Variants in CFAP47 observed in about 807,000 individuals in gnomAD.
CFAP47 encodes cilia- and flagella-associated protein 47.
CFAP47 carries 29 observed loss-of-function variants against 148.1 expected under a neutral mutation model. The ratio of observed to expected loss-of-function variants is 0.20; its 90% CI spans 0.15 to 0.27. CFAP47 has a LOEUF of 0.27. CFAP47 is among the 10% of genes least tolerant of loss of function. The pLI, the probability that CFAP47 is intolerant of heterozygous loss-of-function variation, is 1.00. For synonymous variants in CFAP47, 664 were observed against 577.3 expected (o/e 1.15, Z -2.15); for missense variants, 1,872 against 1,697.5 (o/e 1.10, Z -1.81).
At chrX:36,021,356 T>C (rs1937156120) in intron 22 of CFAP47, among the ~76,000 whole-genome samples, 1 of 110,567 alleles carries the variant, frequency 9.0e-6, no homozygotes, top group African/African-American at 3.3e-5. Flanking sequence ...CAGGCTGGAG[T>C]GCAGTGGCAT....
chrX:36,163,510 T>C (rs1386496226), intron 39 of CFAP47, among the ~76,000 whole-genome samples: 2 of 111,537 alleles, frequency 1.8e-5, no homozygotes, highest in Non-Finnish European at 3.8e-5. Flanking sequence ...GAGATTTTTT[T>C]TCATATAGGC....
At chrX:36,158,324 A>G (rs1366080853) in intron 37 of CFAP47, among the ~76,000 whole-genome samples, 1 of 112,566 alleles carries the variant, frequency 8.9e-6, no homozygotes, top group Non-Finnish European at 1.9e-5. Flanking sequence ...CCCAAGTTTT[A>G]TCACCTACAG....
At chrX:36,251,303 T>C (rs1940688588) in intron 48 of CFAP47, 30 bp from the exon 49 acceptor site, 1 of 471,397 alleles carries the variant, frequency 2.1e-6, no homozygotes, top group African/African-American at 2.4e-5. Flanking sequence ...TGATACTACA[T>C]AATTCTTGTT....
intron 23 of CFAP47, among the ~76,000 whole-genome samples, chrX:36,033,591 A>C (rs1006240867): frequency 1.8e-5 from 2 of 111,494 alleles, no homozygotes; most frequent in African/African-American, 6.5e-5. Context: ...TTTCTTTAGA[A>C]TGTGTAAATT....
At chrX:36,302,911 G>A (rs1355216752) in intron 53 of CFAP47, among the ~76,000 whole-genome samples, 2 of 111,788 alleles carry the variant, frequency 1.8e-5, no homozygotes, top group East Asian at 2.8e-4. Flanking sequence ...TCTAATATGG[G>A]ATAACATTAG....
rs1268914945 is a variant in CFAP47, at chrX:36,085,445, G to A, written c.4823G>A (p.Gly1608Glu). ...LLHLSGKMPP[G>E]INSSQSLPVD... ...CATTTGAGTGGAAAAATGCCACCTGGAATTAATTCAAGTCAATCTTTACCT... is the reference window on the plus strand; with the variant it reads ...CATTTGAGTGGAAAAATGCCACCTGAAATTAATTCAAGTCAATCTTTACCT... Residue 1608 changes from glycine to glutamate, a missense_variant, in exon 30 of 64, where the codon GGA becomes GAA. Coordinates refer to ENST00000378653, the MANE Select transcript of CFAP47 (RefSeq NM_001304548.2). The A allele has an allele frequency of 4.2e-6, 5 of 1,202,485 alleles. No individual in the cohort carries two copies. Among genetic ancestry groups the A allele is most frequent in the African/African-American group, 1.8e-5 (1 of 56,358 alleles).
At chrX:36,131,950 A>G (rs999252217) in intron 33 of CFAP47, among the ~76,000 whole-genome samples, 11 of 111,282 alleles carry the variant, frequency 9.9e-5, no homozygotes, top group Non-Finnish European at 1.5e-4. Context: ...GCACAGCTAT[A>G]TGACTATACT....
At chrX:36,282,439 A>T (rs1377029831) in intron 50 of CFAP47, among the ~76,000 whole-genome samples, 1 of 111,749 alleles carries the variant, frequency 8.9e-6, no homozygotes, top group South Asian at 3.7e-4. Flanking sequence ...TAATAAACAT[A>T]CTAACCTACA....
intron 33 of CFAP47, among the ~76,000 whole-genome samples, chrX:36,117,096 A>G (rs781476170): frequency 8.9e-6 from 1 of 112,220 alleles, no homozygotes; most frequent in African/African-American, 3.2e-5. Context: ...TGTTCTTTTT[A>G]TGACTGAATG....
At chrX:35,954,264 A>G (rs1225835288) in intron 7 of CFAP47, among the ~76,000 whole-genome samples, 2 of 111,044 alleles carry the variant, frequency 1.8e-5, no homozygotes, top group Non-Finnish European at 3.8e-5. Context: ...ATAGTGAGGA[A>G]AAAAATGGAA....
chrX:36,373,579 C>G (rs1941993074), intron 62 of CFAP47, among the ~76,000 whole-genome samples: 1 of 110,952 alleles, frequency 9.0e-6, no homozygotes, highest in Non-Finnish European at 1.9e-5. Context: ...CTTTTACTTG[C>G]TTGATTGCTC....
Position 35,975,194 on chromosome X carries a change from A to T in CFAP47, c.2302A>T (p.Thr768Ser), listed in dbSNP as rs140595411. The T allele has an allele frequency of 2.1e-3, 2,494 of 1,197,889 alleles. 1 individual carries two copies. Among genetic ancestry groups the T allele is most frequent in the Non-Finnish European group, 2.5e-3 (2,207 of 885,398 alleles). The change falls in exon 14 of 64, where the codon ACT (threonine) becomes TCT (serine). Residue 768 changes from threonine (T) to serine (S), a missense_variant. By Grantham distance (58) the Thr-to-Ser change is moderately conservative. Coordinates refer to ENST00000378653, the MANE Select transcript of CFAP47 (RefSeq NM_001304548.2). ...FGNICVNSPNTHLLHVINMLP... is the reference protein window; with the variant it reads ...FGNICVNSPNSHLLHVINMLP... ...TAATATTTGTGTGAACTCTCCAAATACTCATCTACTTCATGTTATTAATAT... is the reference window on the plus strand; with the variant it reads ...TAATATTTGTGTGAACTCTCCAAATTCTCATCTACTTCATGTTATTAATAT...
intron 51 of CFAP47, among the ~76,000 whole-genome samples, chrX:36,287,700 C>T (rs1166913354): frequency 9.0e-6 from 1 of 111,474 alleles, no homozygotes; most frequent in Non-Finnish European, 1.9e-5. Flanking sequence ...ACTAAGTTTA[C>T]CAACTTAGGC....
In CFAP47 at chrX:36,144,747, G is replaced by A. The variant is rs757376387; in HGVS notation, c.5536-472G>A. The A allele has an allele frequency of 3.8e-5, 39 of 1,023,428 alleles. No individual in the cohort carries two copies. The East Asian group carries it at 4.3e-4, about 11-fold the overall frequency. The allele number at this position is 1,023,428 out of a possible 1,213,427, so 84.3% of individuals were successfully genotyped here. A position where few individuals can be genotyped will look rare whatever the true frequency, so the allele number is the denominator to read the frequency against. ...TTGTTTGTTCTTTTTTATTTTTGTC[G>A]TGATCTCTTTCTCCCTTTGGAGCAG... On this transcript the variant is annotated intron_variant, in intron 35 of 63. Coordinates refer to ENST00000378653, the MANE Select transcript of CFAP47 (RefSeq NM_001304548.2).
Position 35,926,040 on chromosome X carries a change from G to C in CFAP47, c.273G>C (p.Leu91=), listed in dbSNP as rs1935735111. Residue 91 remains leucine, a synonymous_variant, in exon 2 of 64, where the codon CTG becomes CTC. Transcript: ENST00000378653. ...AGTTCAAACTGATGTTGACCAGTCTGGATAAAGAACTTGCTTCTGGCCTTC... is the reference window on the plus strand; with the variant it reads ...AGTTCAAACTGATGTTGACCAGTCTCGATAAAGAACTTGCTTCTGGCCTTC... ...KPQFKLMLTS[L]DKELASGLQM... 3 of 1,204,874 alleles carry C rather than the reference G, an allele frequency of 2.5e-6. No homozygotes were observed. Among genetic ancestry groups the C allele is most frequent in the Admixed American group, 2.2e-5 (1 of 45,543 alleles).
intron 30 of CFAP47, among the ~76,000 whole-genome samples, chrX:36,093,728 A>G (rs1481073392): frequency 8.9e-6 from 1 of 111,818 alleles, no homozygotes; most frequent in East Asian, 2.8e-4. Context: ...TGCCCATTTT[A>G]AAATTGGATT....
intron 33 of CFAP47, among the ~76,000 whole-genome samples, chrX:36,126,351 G>A (rs1013403737): frequency 1.4e-4 from 15 of 110,991 alleles, no homozygotes; most frequent in African/African-American, 4.9e-4. Context: ...GCAGTGTTTG[G>A]TTTTCTGTTC....
intron 23 of CFAP47, among the ~76,000 whole-genome samples, chrX:36,034,003 A>G (rs1937311049): frequency 9.0e-6 from 1 of 111,342 alleles, no homozygotes. Flanking sequence ...TGAGAAATTA[A>G]CATTAGTACA....
chrX:36,136,777 TATC>T (rs1939052300), intron 33 of CFAP47, among the ~76,000 whole-genome samples: 1 of 111,881 alleles, frequency 8.9e-6, no homozygotes, highest in African/African-American at 3.2e-5. Context: ...ACATGTAGGT[TATC>T]ATTATTCAGC....
Sources: allele counts gnomAD v4.1 joint callset (sites outside exome capture counted in the v4.1 genomes callset), GRCh38; gene constraint gnomAD v4.1.1; transcripts MANE v1.5; gene names NCBI Gene and HGNC (gene_info 2026-07-23, HGNC 2026-07-21).